The following GNAS-AS1 variants were observed in gnomAD, a reference collection of about 807,000 sequenced individuals.
GNAS-AS1 encodes GNAS antisense RNA 1.
At chr20:58,838,916 CAAAAAAAAAAAA>C (rs766172876) in intron 4 of GNAS-AS1, 2 of 200,360 alleles carry the variant, frequency 1.0e-5, no homozygotes, top group Non-Finnish European at 8.1e-6. Context: ...GATTCTGTCT[CAAAAAAAAAAAA>C]AAAAAAAAAA....
chr20:58,837,110 C>T (rs903043104), intron 4 of GNAS-AS1, among the ~76,000 whole-genome samples: 2 of 152,132 alleles, frequency 1.3e-5, no homozygotes, highest in Non-Finnish European at 2.9e-5. Flanking sequence ...TACCTCGTTG[C>T]TGACAGCTGA....
At chr20:58,822,529 G>A (rs928953967) in intron 4 of GNAS-AS1, among the ~76,000 whole-genome samples, 7 of 152,310 alleles carry the variant, frequency 4.6e-5, no homozygotes, top group South Asian at 2.1e-4. Flanking sequence ...AAACGTTGGC[G>A]GTCATCATCA....
chr20:58,838,352 TACA>T (rs1379330940), intron 4 of GNAS-AS1, among the ~76,000 whole-genome samples: 1 of 152,122 alleles, frequency 6.6e-6, no homozygotes, highest in Non-Finnish European at 1.5e-5. Context: ...CCTTGCAGAG[TACA>T]ACAACACGAT....
At position 58,840,370 on chromosome 20, in the gene GNAS-AS1, C is replaced by A; in HGVS notation, n.819+1567G>T. ...CCGAATCGGAATCTGACCACGAGCA[C>A]GAGGAGGCAGACCTTGAGCTGTCCC... On this transcript the variant is annotated intron_variant and non_coding_transcript_variant, in intron 4 of 4. Coordinates refer to ENST00000424094, the Ensembl canonical transcript of GNAS-AS1. The surrounding 1 kb of genome is among the most constrained non-coding windows in gnomAD (Gnocchi z 6.0). 4 of 1,613,336 alleles carry A rather than the reference C, an allele frequency of 2.5e-6. No homozygotes were observed. The highest frequency in any genetic ancestry group is 3.4e-6 in the Non-Finnish European group (4 of 1,180,014).
Position 58,840,229 on chromosome 20 carries a change from C to A in GNAS-AS1, n.819+1708G>T, listed in dbSNP as rs758474465. On this transcript the variant is annotated intron_variant and non_coding_transcript_variant, in intron 4 of 4. Transcript: ENST00000424094. The surrounding 1 kb of genome is among the most constrained non-coding windows in gnomAD (Gnocchi z 6.0). Reference sequence around the variant, plus strand: ...TCTGGCTCTCCTGCTCCATCGCGCTCCTCCGCGCCCTTGCCACCTCCAACG... The same window carrying A: ...TCTGGCTCTCCTGCTCCATCGCGCTACTCCGCGCCCTTGCCACCTCCAACG... 2 of 1,611,076 alleles carry A rather than the reference C, an allele frequency of 1.2e-6. No homozygotes were observed. Among genetic ancestry groups the A allele is most frequent in the Non-Finnish European group, 1.7e-6 (2 of 1,179,818 alleles).
At chr20:58,839,620 C>G in intron 4 of GNAS-AS1, 1 of 422,356 alleles carries the variant, frequency 2.4e-6, no homozygotes, top group South Asian at 9.1e-5. Flanking sequence ...CCACTAGGGT[C>G]TGCGCCACAG....
intron 4 of GNAS-AS1, among the ~76,000 whole-genome samples, chr20:58,829,118 G>GC (rs1333711185): frequency 6.6e-6 from 1 of 152,174 alleles, no homozygotes; most frequent in Non-Finnish European, 1.5e-5. Flanking sequence ...TCACACCTGG[G>GC]CCTCTTTCCC....
chr20:58,843,859 T>A (rs1600668709), intron 2 of GNAS-AS1, among the ~76,000 whole-genome samples: 1 of 152,388 alleles, frequency 6.6e-6, no homozygotes, highest in African/African-American at 2.4e-5. Context: ...GGGGTCAACC[T>A]GATGTAGGTT....
At chr20:58,828,662 C>G (rs568044474) in intron 4 of GNAS-AS1, among the ~76,000 whole-genome samples, 2 of 152,354 alleles carry the variant, frequency 1.3e-5, no homozygotes, top group South Asian at 4.1e-4. Flanking sequence ...TTGTCTCCCA[C>G]TTAGCACTAG....
intron 4 of GNAS-AS1, among the ~76,000 whole-genome samples, chr20:58,834,848 A>T (rs971046751): frequency 1.3e-5 from 2 of 152,192 alleles, no homozygotes; most frequent in Non-Finnish European, 2.9e-5. Context: ...CAAATACAGT[A>T]TTGTAATCCC....
rs2085678082 is a variant in GNAS-AS1, at chr20:58,840,548, G to A, written n.819+1389C>T. 6.2e-7 allele frequency: 1 copy of A among 1,613,250 alleles called. No individual in the cohort carries two copies. The highest frequency in any genetic ancestry group is 1.1e-5 in the South Asian group (1 of 91,066). On this transcript the variant is annotated intron_variant and non_coding_transcript_variant, in intron 4 of 4. Coordinates refer to ENST00000424094, the Ensembl canonical transcript of GNAS-AS1. The surrounding 1 kb of genome is among the most constrained non-coding windows in gnomAD (Gnocchi z 6.0). ...CGAGCCTGAAGACGATCGCGGCCCG[G>A]TGGTGCCCAAGCACTCCACCTTCGG... is the stretch of plus-strand genomic sequence containing the variant.
At chr20:58,821,507 C>T (rs1162105640) in intron 4 of GNAS-AS1, among the ~76,000 whole-genome samples, 1 of 152,324 alleles carries the variant, frequency 6.6e-6, no homozygotes, top group African/African-American at 2.4e-5. Context: ...CATATGTTTG[C>T]TATGAAGAGT....
At position 58,838,747 on chromosome 20, in the gene GNAS-AS1, T is replaced by C. The variant is rs1017168291; in HGVS notation, n.819+3190A>G. ...AGCCTGGCCAATATGGCGAAACCCC[T>C]CTCTACTAAAACTACAAAAATTAGC... On this transcript the variant is annotated intron_variant and non_coding_transcript_variant, in intron 4 of 4. Transcript: ENST00000424094. 16 of 347,132 alleles carry C rather than the reference T, an allele frequency of 4.6e-5. No homozygotes were observed. In the Admixed American group the frequency reaches 7.6e-4, roughly 16 times the overall value. 21.5% of individuals were successfully genotyped at this position (347,132 alleles called of 1,614,324 possible). A position where few individuals can be genotyped will look rare whatever the true frequency, so the allele number is the denominator to read the frequency against.
At chr20:58,839,129 T>TG in intron 4 of GNAS-AS1, 1 of 398,524 alleles carries the variant, frequency 2.5e-6, no homozygotes, top group East Asian at 3.6e-5. Flanking sequence ...AGTCCTCAGA[T>TG]GGGCTTGCAG....
chr20:58,836,693 A>C (rs1483885192), intron 4 of GNAS-AS1, among the ~76,000 whole-genome samples: 4 of 152,142 alleles, frequency 2.6e-5, no homozygotes, highest in Non-Finnish European at 5.9e-5. Context: ...TCACGCACGT[A>C]ATGCATTTTA....
chr20:58,844,508 A>C (rs184462913), intron 2 of GNAS-AS1, among the ~76,000 whole-genome samples: 3 of 152,228 alleles, frequency 2.0e-5, no homozygotes, highest in Admixed American at 6.5e-5. Flanking sequence ...CTAGCAGCCC[A>C]GGTTGCTTCT....
chr20:58,835,328 T>C lies in GNAS-AS1; in HGVS notation n.819+6609A>G, dbSNP rs1183985420. On this transcript the variant is annotated intron_variant and non_coding_transcript_variant, in intron 4 of 4. Transcript: ENST00000424094. Reference sequence around the variant, plus strand: ...AACCAATCCATTATCTTGAGTTTCATCTTAGAAAATGCATTGAGGTCTGTG... The same window carrying C: ...AACCAATCCATTATCTTGAGTTTCACCTTAGAAAATGCATTGAGGTCTGTG... Among the ~76,000 whole-genome samples the C allele has an allele frequency of 2.6e-5, 4 of 152,246 alleles. No homozygotes were observed. In the East Asian group the frequency reaches 7.7e-4, roughly 29 times the overall value.
intron 4 of GNAS-AS1, among the ~76,000 whole-genome samples, chr20:58,825,784 C>T (rs375603308): frequency 2.9e-4 from 44 of 152,328 alleles, no homozygotes; most frequent in African/African-American, 5.5e-4. Context: ...CCAGTCTGAA[C>T]GGACCCTACC....
At chr20:58,849,435 C>A (rs946407330) in intron 1 of GNAS-AS1, among the ~76,000 whole-genome samples, 1 of 152,200 alleles carries the variant, frequency 6.6e-6, no homozygotes, top group African/African-American at 2.4e-5. Context: ...AAAGAGTTTT[C>A]TCTGACTCCA....
Sources: gnomAD v4.1 joint callset for allele counts (sites outside exome capture counted in the v4.1 genomes callset) on GRCh38, gnomAD v4.1.1 for gene constraint, Gnocchi (gnomAD v3.1) non-coding constraint, MANE v1.5 for transcripts, NCBI Gene and HGNC (gene_info 2026-07-23, HGNC 2026-07-21) for gene names.